The following CNTN4 variants were observed in gnomAD, a reference collection of about 807,000 sequenced individuals.
The protein encoded by CNTN4 is contactin-4.
A neutral mutation model predicts 122.5 loss-of-function variants in CNTN4; 77 were observed. The observed-to-expected ratio is 0.63, with a 90% confidence interval of 0.52 to 0.76. The LOEUF (loss-of-function observed/expected upper bound fraction) is 0.76, where lower values mean the gene tolerates loss of function less well. CNTN4 is among the 30% of genes least tolerant of loss of function. CNTN4 has a pLI of 0.00. For synonymous variants in CNTN4, 512 were observed against 447.0 expected, an observed-to-expected ratio of 1.15 and a Z score of -1.83; for missense variants, 1,256 against 1,259.1, an observed-to-expected ratio of 1.00 and a Z score of 0.04.
intron 2 of CNTN4, among the ~76,000 whole-genome samples, chr3:2,150,264 A>G (rs2035436640): frequency 3.3e-5 from 5 of 152,240 alleles, no homozygotes; most frequent in Admixed American, 6.5e-5. Context: ...TGTTAAATCC[A>G]TATAAAGCAT....
intron 3 of CNTN4, among the ~76,000 whole-genome samples, chr3:2,518,296 G>T (rs2077097987): frequency 6.6e-6 from 1 of 152,004 alleles, no homozygotes; most frequent in South Asian, 2.1e-4. Context: ...GTTCATCAAG[G>T]GCTGTGTCTA....
intron 4 of CNTN4, among the ~76,000 whole-genome samples, chr3:2,629,292 C>T (rs376967112): frequency 6.6e-6 from 1 of 152,196 alleles, no homozygotes; most frequent in African/African-American, 2.4e-5. Context: ...CTGTTGGCAC[C>T]TCAGTCTTGG....
At chr3:2,233,266 T>C (rs1415797923) in intron 2 of CNTN4, among the ~76,000 whole-genome samples, 1 of 152,138 alleles carries the variant, frequency 6.6e-6, no homozygotes, top group Non-Finnish European at 1.5e-5. Flanking sequence ...TGTTGACTCT[T>C]CACTCAATAA....
intron 6 of CNTN4, among the ~76,000 whole-genome samples, chr3:2,815,759 T>C (rs904029734): frequency 6.6e-6 from 1 of 152,166 alleles, no homozygotes; most frequent in East Asian, 1.9e-4. Flanking sequence ...AAAGAAGTCA[T>C]TGTTTAAAAA....
intron 23 of CNTN4, among the ~76,000 whole-genome samples, chr3:3,044,950 G>T (rs990039880): frequency 6.6e-6 from 1 of 152,204 alleles, no homozygotes; most frequent in Non-Finnish European, 1.5e-5. Context: ...CTTAGCAAAC[G>T]GCACACCAGG....
At chr3:3,043,265 T>C (rs1559827621) in intron 22 of CNTN4, 102 bp downstream of exon 22, 2 of 1,016,080 alleles carry the variant, frequency 2.0e-6, no homozygotes, top group Non-Finnish European at 3.1e-6. Flanking sequence ...TACTAATTAG[T>C]AGCATGTGGA....
intron 6 of CNTN4, among the ~76,000 whole-genome samples, chr3:2,769,406 C>T (rs561337020): frequency 4.8e-4 from 71 of 148,102 alleles, no homozygotes; most frequent in Non-Finnish European, 7.7e-4. Context: ...CAGAGGTTGC[C>T]ATGAGCCGAG....
At chr3:2,621,299 A>G (rs574490078) in intron 4 of CNTN4, among the ~76,000 whole-genome samples, 13 of 152,322 alleles carry the variant, frequency 8.5e-5, no homozygotes, top group African/African-American at 2.4e-4. Flanking sequence ...GCTCCTTTCC[A>G]CAAGTTTTAT....
chr3:2,500,188 C>A (rs886830499), intron 3 of CNTN4, among the ~76,000 whole-genome samples: 16 of 151,948 alleles, frequency 1.1e-4, no homozygotes, highest in Admixed American at 6.6e-5. Flanking sequence ...GTATTTTTAT[C>A]TTCCCCTGAA....
At chr3:2,405,586 TATAGATAGGTAG>T (rs941417485) in intron 3 of CNTN4, among the ~76,000 whole-genome samples, 1 of 122,326 alleles carries the variant, frequency 8.2e-6, no homozygotes, top group African/African-American at 2.9e-5. Flanking sequence ...CCCATACTGT[TATAGATAGGTAG>T]ATAGATAGAT....
At position 2,813,335 on chromosome 3, in the gene CNTN4, C is replaced by A. The variant is rs116789994; in HGVS notation, c.359-6151C>A. Among the ~76,000 whole-genome samples, 673 of 152,272 alleles carry A rather than the reference C, an allele frequency of 4.4e-3. 7 individuals are homozygous for A. The highest frequency in any genetic ancestry group is 0.016 in the African/African-American group (646 of 41,558). ...GAAGCAATAACAAAGGGAACTGGTGCTGACAATTTCTTGTTCTAAGGCCAA... is the reference window on the plus strand; with the variant it reads ...GAAGCAATAACAAAGGGAACTGGTGATGACAATTTCTTGTTCTAAGGCCAA... On this transcript the variant is annotated intron_variant, in intron 6 of 24. Coordinates refer to ENST00000418658, the MANE Select transcript of CNTN4 (RefSeq NM_175607.3).
At chr3:2,152,782 C>G (rs1303930012) in intron 2 of CNTN4, among the ~76,000 whole-genome samples, 3 of 152,108 alleles carry the variant, frequency 2.0e-5, no homozygotes, top group Non-Finnish European at 4.4e-5. Context: ...GCCGGTGGGT[C>G]ATGTCGATGT....
chr3:2,788,398 C>T (rs1237237917), intron 6 of CNTN4, among the ~76,000 whole-genome samples: 1 of 152,168 alleles, frequency 6.6e-6, no homozygotes, highest in Non-Finnish European at 1.5e-5. Context: ...TTACTTCATA[C>T]TATCATGATA....
At chr3:2,798,379 A>ATCTATCTATCTATCTATCTATCTATCTG (rs1363076423) in intron 6 of CNTN4, among the ~76,000 whole-genome samples, 1 of 150,490 alleles carries the variant, frequency 6.6e-6, no homozygotes, top group Non-Finnish European at 1.5e-5. Context: ...CTATCTATCT[A>ATCTATCTATCTATCTATCTATCTATCTG]TCTATCTATC....
At chr3:2,508,142 C>A (rs1429333264) in intron 3 of CNTN4, among the ~76,000 whole-genome samples, 5 of 152,146 alleles carry the variant, frequency 3.3e-5, no homozygotes, top group African/African-American at 1.2e-4. Flanking sequence ...TTCTTATGTG[C>A]GTCCATACTT....
intron 3 of CNTN4, among the ~76,000 whole-genome samples, chr3:2,506,100 A>T (rs2076724027): frequency 6.6e-6 from 1 of 151,932 alleles, no homozygotes; most frequent in Non-Finnish European, 1.5e-5. Flanking sequence ...GGTTTTCCTC[A>T]TGTGGACGCC....
intron 4 of CNTN4, among the ~76,000 whole-genome samples, chr3:2,576,760 C>T (rs1256707634): frequency 6.6e-6 from 1 of 152,108 alleles, no homozygotes; most frequent in Admixed American, 6.6e-5. Flanking sequence ...GTGGGCCAGG[C>T]TGGTCTCGAA....
chr3:2,234,713 C>T (rs1466939030), intron 2 of CNTN4, among the ~76,000 whole-genome samples: 1 of 152,134 alleles, frequency 6.6e-6, no homozygotes, highest in African/African-American at 2.4e-5. Flanking sequence ...TCAGCGACTC[C>T]AAAATAAGCT....
At chr3:2,892,887 A>G (rs556996754) in intron 10 of CNTN4, among the ~76,000 whole-genome samples, 1 of 152,352 alleles carries the variant, frequency 6.6e-6, no homozygotes, top group Non-Finnish European at 1.5e-5. Context: ...ATACAAAATA[A>G]CTTATTCAAG....
Sources: gnomAD v4.1 joint callset for allele counts (sites outside exome capture counted in the v4.1 genomes callset) on GRCh38, gnomAD v4.1.1 for gene constraint, MANE v1.5 for transcripts, NCBI Gene and HGNC (gene_info 2026-07-23, HGNC 2026-07-21) for gene names.